The following SEMA4A variants were observed in gnomAD, a reference collection of about 807,000 sequenced individuals.
SEMA4A encodes the protein semaphorin 4A.
A neutral mutation model predicts 72.5 loss-of-function variants in SEMA4A; 52 were observed. The ratio of observed to expected loss-of-function variants is 0.72; its 90% confidence interval spans 0.57 to 0.90. The LOEUF (loss-of-function observed/expected upper bound fraction) is 0.90, where lower values mean the gene tolerates loss of function less well. Among genes scored for constraint, SEMA4A ranks in the 40% least tolerant of loss-of-function variants. The probability of loss-of-function intolerance (pLI) is 0.00; values close to 1 mark genes in which losing one functional copy is unlikely to be tolerated. For synonymous variants in SEMA4A, 369 were observed against 393.1 expected (o/e 0.94, Z 0.73); for missense variants, 926 against 959.7 (o/e 0.96, Z 0.46).
chr1:156,166,310 T>G (rs1395176419), intron 10 of SEMA4A, among the ~76,000 whole-genome samples: 1 of 152,222 alleles, frequency 6.6e-6, no homozygotes, highest in Non-Finnish European at 1.5e-5. Flanking sequence ...CCTAAAGTGC[T>G]GGGATTACAG....
At position 156,169,976 on chromosome 1, in the gene SEMA4A, G is replaced by T. The variant is rs193029565; in HGVS notation, c.1135-2850G>T. Among the ~76,000 whole-genome samples the T allele has an allele frequency of 1.6e-4, 25 of 152,012 alleles. No individual in the cohort carries two copies. The East Asian group carries it at 4.4e-3, about 26-fold the overall frequency. Reference sequence around the variant, plus strand: ...GGAAGTGGAGGTTGCAGTGAGCCGAGATCGTGCCACTGCACTCCAGCCTGG... The same window carrying T: ...GGAAGTGGAGGTTGCAGTGAGCCGATATCGTGCCACTGCACTCCAGCCTGG... On this transcript the variant is annotated intron_variant, in intron 10 of 14. Transcript: ENST00000368285.
At position 156,158,810 on chromosome 1, in the gene SEMA4A, C is replaced by G; in HGVS notation, c.554C>G (p.Thr185Arg). The G allele has an allele frequency of 6.2e-7, 1 of 1,613,606 alleles. No homozygotes were observed. Among genetic ancestry groups the G allele is most frequent in the Non-Finnish European group, 8.5e-7 (1 of 1,179,566 alleles). ...CCCTTTGACCCCGCTCACAAGCATACGGCTGTCTTGGTGGGTGAGTATCAG... is the reference window on the plus strand; with the variant it reads ...CCCTTTGACCCCGCTCACAAGCATAGGGCTGTCTTGGTGGGTGAGTATCAG... ...QSPFDPAHKH[T>R]AVLVDGMLYS... Residue 185 changes from threonine to arginine, a missense_variant, in exon 6 of 15, where the codon ACG (threonine) becomes AGG (arginine). Thr to Arg is a moderately conservative substitution (Grantham distance 71). Coordinates refer to ENST00000368285, the MANE Select transcript of SEMA4A (RefSeq NM_022367.4).
upstream of SEMA4A, among the ~76,000 whole-genome samples, chr1:156,151,227 C>A (rs1314798539): frequency 3.3e-5 from 5 of 152,346 alleles, no homozygotes; most frequent in East Asian, 9.6e-4. Context: ...AACAGAGCAA[C>A]AGCAGAGCAT....
intron 9 of SEMA4A, among the ~76,000 whole-genome samples, chr1:156,162,537 C>A (rs1653759069): frequency 1.3e-5 from 2 of 152,222 alleles, no homozygotes; most frequent in Non-Finnish European, 1.5e-5. Flanking sequence ...GGTAGTCAGG[C>A]ACTGGTCGGT....
At chr1:156,152,638 A>G (rs1558143365), upstream of SEMA4A, among the ~76,000 whole-genome samples, 1 of 152,164 alleles carries the variant, frequency 6.6e-6, no homozygotes. Context: ...CCCCGGGGAA[A>G]CTGAGAGAGA....
chr1:156,165,823 T>C (rs1253527208), intron 10 of SEMA4A, among the ~76,000 whole-genome samples: 1 of 151,912 alleles, frequency 6.6e-6, no homozygotes, highest in Non-Finnish European at 1.5e-5. Context: ...TTGTGCTGGG[T>C]ACTCAATGGG....
chr1:156,174,741 A>G, intron 11 of SEMA4A, 81 bp from the exon 12 acceptor site: 1 of 1,583,722 alleles, frequency 6.3e-7, no homozygotes, highest in South Asian at 1.1e-5. Context: ...GAGCTTTCTT[A>G]CAGCTGGGGA....
chr1:156,161,694 T>A, intron 9 of SEMA4A, 176 bp downstream of exon 9: 1 of 624,968 alleles, frequency 1.6e-6, no homozygotes, highest in Non-Finnish European at 2.7e-6. Flanking sequence ...TTTTTGTAAA[T>A]GGGAAAAATA....
At chr1:156,175,749 C>A in intron 14 of SEMA4A, 93 bp downstream of exon 14, 1 of 901,342 alleles carries the variant, frequency 1.1e-6, no homozygotes, top group Non-Finnish European at 1.8e-6. Flanking sequence ...CCTCCCCCAG[C>A]ACCTGCCTGG....
rs973901977 is a variant in SEMA4A at position 156,153,681 on chromosome 1, C to G, written c.-113C>G. On this transcript the variant is annotated 5_prime_UTR_variant, in exon 1 of 15. Transcript: ENST00000368285. ...CCTGCCTCTGGGGCCTGGGAACCCC[C>G]CTTCTTCTTTCTCCTGAATGGCACC... The G allele has an allele frequency of 2.0e-5, 3 of 152,484 alleles. No homozygotes were observed. Among genetic ancestry groups the G allele is most frequent in the Non-Finnish European group, 4.4e-5 (3 of 68,154 alleles). The allele number at this position is 152,484 out of a possible 1,614,324, so 9.4% of individuals were successfully genotyped here.
Position 156,166,678 on chromosome 1 carries a change from C to T in SEMA4A, c.1134+3584C>T, listed in dbSNP as rs551784645. Among the ~76,000 whole-genome samples, 4 of 152,282 alleles carry T rather than the reference C, an allele frequency of 2.6e-5. No homozygotes were observed. The East Asian group carries it at 7.7e-4, about 29-fold the overall frequency. ...GTGCAGTGGCTGACACCTGTAATCT[C>T]AGCACTTTGGGAGGCTGAGACAGGT... On this transcript the variant is annotated intron_variant, in intron 10 of 14. Transcript: ENST00000368285.
At chr1:156,148,951 C>T (rs569461208), upstream of SEMA4A, among the ~76,000 whole-genome samples, 8 of 151,982 alleles carry the variant, frequency 5.3e-5, no homozygotes, top group East Asian at 1.9e-4. Flanking sequence ...TGCAGGCATG[C>T]GCCACCATGC....
intron 10 of SEMA4A, among the ~76,000 whole-genome samples, chr1:156,165,104 G>C (rs959805601): frequency 6.6e-6 from 1 of 152,046 alleles, no homozygotes; most frequent in South Asian, 2.1e-4. Context: ...CCTGGTCTAA[G>C]CTCTTATCTT....
chr1:156,171,417 C>T, intron 10 of SEMA4A, among the ~76,000 whole-genome samples: 1 of 152,158 alleles, frequency 6.6e-6, no homozygotes, highest in East Asian at 1.9e-4. Flanking sequence ...AGTCATGCAG[C>T]AAGTTCGTGC....
intron 6 of SEMA4A, among the ~76,000 whole-genome samples, chr1:156,159,977 C>T (rs1249185160): frequency 6.6e-6 from 1 of 150,418 alleles, no homozygotes; most frequent in African/African-American, 2.5e-5. Context: ...TACTGGACAC[C>T]AACCATTACA....
chr1:156,172,946 G>T lies in SEMA4A; in HGVS notation c.1255G>T (p.Ala419Ser). The change falls in exon 11 of 15, where the codon GCA (alanine) becomes TCA (serine). Residue 419 changes from alanine to serine, a missense_variant. Ala to Ser is a moderately conservative substitution (Grantham distance 99). Coordinates refer to ENST00000368285, the MANE Select transcript of SEMA4A (RefSeq NM_022367.4). ...ATCTGGCGTGGAGTATACACGGCTT[G>T]CAGTGGAGACAGCCCAGGGCCTTGA... ...VKSGVEYTRL[A>S]VETAQGLDGH... The T allele has an allele frequency of 1.2e-6, 2 of 1,614,156 alleles. No individual in the cohort carries two copies. Among genetic ancestry groups the T allele is most frequent in the Non-Finnish European group, 1.7e-6 (2 of 1,180,008 alleles).
At chr1:156,151,842 A>T (rs1385748339), upstream of SEMA4A, among the ~76,000 whole-genome samples, 3 of 142,586 alleles carry the variant, frequency 2.1e-5, no homozygotes, top group Non-Finnish European at 4.5e-5. Context: ...TCGTCTCAAA[A>T]AAAAAAAAAA....
Position 156,160,572 on chromosome 1 carries a change from C to A in SEMA4A, c.685+13C>A. ...CGCTGGCTGCATCGTAAGGACCTGA[C>A]CCCCGCTGGCCTCCTTTCCTGAGTC... On this transcript the variant is annotated intron_variant, in intron 7 of 14. Coordinates refer to ENST00000368285, the MANE Select transcript of SEMA4A (RefSeq NM_022367.4). The A allele has an allele frequency of 1.9e-6, 3 of 1,603,108 alleles. No homozygotes were observed. The highest frequency in any genetic ancestry group is 2.2e-5 in the East Asian group (1 of 44,840).
chr1:156,168,630 G>A (rs1395683479), intron 10 of SEMA4A, among the ~76,000 whole-genome samples: 2 of 151,812 alleles, frequency 1.3e-5, no homozygotes, highest in African/African-American at 4.8e-5. Context: ...GGTAGTCCTT[G>A]AATGTGTACT....
Sources: allele counts gnomAD v4.1 joint callset (sites outside exome capture counted in the v4.1 genomes callset), GRCh38; gene constraint gnomAD v4.1.1; transcripts MANE v1.5; gene names NCBI Gene and HGNC (gene_info 2026-07-23, HGNC 2026-07-21).